Variants in SPECC1 observed in about 807,000 individuals in gnomAD.
SPECC1 encodes the protein cytospin-B.
A neutral mutation model predicts 104.1 loss-of-function variants in SPECC1; 62 were observed. That is an observed-to-expected ratio of 0.60 (90% CI 0.49 to 0.74). SPECC1 has a LOEUF of 0.74. SPECC1 is among the 30% of genes least tolerant of loss of function. The pLI is 0.00. For missense variants in SPECC1, 1,306 were observed against 1,310.5 expected, an observed-to-expected ratio of 1.00 and a Z score of 0.05; for synonymous variants, 513 against 501.6, an observed-to-expected ratio of 1.02 and a Z score of -0.30.
At chr17:20,055,520 C>T (rs942206686) in intron 1 of SPECC1, among the ~76,000 whole-genome samples, 2 of 152,144 alleles carry the variant, frequency 1.3e-5, no homozygotes, top group Non-Finnish European at 2.9e-5. Flanking sequence ...TGACAATGTG[C>T]GTTCTGTTCA....
intron 13 of SPECC1, among the ~76,000 whole-genome samples, chr17:20,304,985 A>T (rs1044727600): frequency 1.3e-5 from 2 of 152,044 alleles, no homozygotes; most frequent in Non-Finnish European, 2.9e-5. Flanking sequence ...AAACTGTAGG[A>T]AAAAAACAAA....
At chr17:20,248,757 T>C (rs2039517164) in intron 9 of SPECC1, among the ~76,000 whole-genome samples, 1 of 152,242 alleles carries the variant, frequency 6.6e-6, no homozygotes, top group South Asian at 2.1e-4. Flanking sequence ...TTGTGCTTTT[T>C]AACATTTTTT....
intron 9 of SPECC1, among the ~76,000 whole-genome samples, chr17:20,249,172 C>T (rs1472380820): frequency 6.6e-6 from 1 of 152,178 alleles, no homozygotes; most frequent in African/African-American, 2.4e-5. Context: ...GTAATCCTAG[C>T]ATTTTGGGAG....
intron 3 of SPECC1, among the ~76,000 whole-genome samples, chr17:20,146,333 T>G (rs1025145693): frequency 6.6e-6 from 1 of 152,248 alleles, no homozygotes; most frequent in African/African-American, 2.4e-5. Flanking sequence ...CAGACCGGCT[T>G]CTTTCACTTA....
At chr17:20,029,476 GA>G (rs1261272574) in intron 1 of SPECC1, among the ~76,000 whole-genome samples, 1 of 151,966 alleles carries the variant, frequency 6.6e-6, no homozygotes, top group Non-Finnish European at 1.5e-5. Context: ...CTTTTTTTTG[GA>G]GGAGTTTGTG....
intron 2 of SPECC1, among the ~76,000 whole-genome samples, chr17:20,106,151 G>A (rs2048188225): frequency 6.6e-6 from 1 of 152,116 alleles, no homozygotes; most frequent in Admixed American, 6.5e-5. Context: ...TTTCATTTGA[G>A]AAGTCATCTA....
chr17:20,163,800 A>C (rs760800392), intron 3 of SPECC1, among the ~76,000 whole-genome samples: 6 of 152,084 alleles, frequency 3.9e-5, no homozygotes, highest in African/African-American at 1.4e-4. Context: ...GGCTCAAGCT[A>C]TCCTCCCACC....
rs774243923 is a variant in SPECC1, at chr17:20,205,838, T to C, written c.1789T>C (p.Ser597Pro). The C allele has an allele frequency of 6.2e-7, 1 of 1,614,190 alleles. No homozygotes were observed. The highest frequency in any genetic ancestry group is 1.1e-5 in the South Asian group (1 of 91,078). ...ARAEKDLLEL[S>P]CNELRQELLK... ...AGCAGAGAAAGATCTACTGGAACTG[T>C]CTTGCAATGAGCTCAGACAAGAATT... Residue 597 changes from serine to proline, a missense_variant, in exon 4 of 15, where the codon TCT becomes CCT. Coordinates refer to ENST00000395527, the MANE Select transcript of SPECC1 (RefSeq NM_001243439.2).
chr17:20,080,892 C>T (rs997835103), intron 1 of SPECC1, among the ~76,000 whole-genome samples: 1 of 151,890 alleles, frequency 6.6e-6, no homozygotes, highest in African/African-American at 2.4e-5. Flanking sequence ...GGGGGGTGGT[C>T]ACTGGGGCCC....
chr17:20,070,542 AT>A (rs1379706816), intron 1 of SPECC1, among the ~76,000 whole-genome samples: 1 of 152,066 alleles, frequency 6.6e-6, no homozygotes, highest in African/African-American at 2.4e-5. Flanking sequence ...TCTTATCTAT[AT>A]ATTTTATCTA....
intron 1 of SPECC1, among the ~76,000 whole-genome samples, chr17:20,084,680 T>G (rs943991888): frequency 3.3e-5 from 5 of 152,216 alleles, no homozygotes; most frequent in East Asian, 1.9e-4. Flanking sequence ...ATTTTTGGTG[T>G]TGTAACTAAG....
rs2037004313 is a variant in SPECC1, at chr17:20,209,594, TA to T, written c.1863+3683del. Among the ~76,000 whole-genome samples the T allele has an allele frequency of 1.3e-5, 2 of 152,242 alleles. 1 individual carries two copies. Among genetic ancestry groups the T allele is most frequent in the South Asian group, 4.1e-4 (2 of 4,836 alleles). Reference sequence around the variant, plus strand: ...TTCTTCATTGGTTTGCTGATTTCTTTATTTTTTTCAACTTCTCTGATATACC... The same window carrying T: ...TTCTTCATTGGTTTGCTGATTTCTTTTTTTTTTCAACTTCTCTGATATACC... On this transcript the variant is annotated intron_variant, in intron 4 of 14. Transcript: ENST00000395527.
At chr17:20,163,873 CTT>C (rs971412537) in intron 3 of SPECC1, among the ~76,000 whole-genome samples, 17 of 152,176 alleles carry the variant, frequency 1.1e-4, no homozygotes, top group Non-Finnish European at 1.9e-4. Flanking sequence ...TGTATTCTCT[CTT>C]TATATGTGTG....
chr17:20,093,205 T>C (rs2047481849), intron 1 of SPECC1, among the ~76,000 whole-genome samples: 1 of 152,200 alleles, frequency 6.6e-6, no homozygotes, highest in African/African-American at 2.4e-5. Context: ...CCACTAGATT[T>C]GGTATCTGGC....
chr17:20,045,210 G>A (rs1282199773), intron 1 of SPECC1, among the ~76,000 whole-genome samples: 1 of 151,852 alleles, frequency 6.6e-6, no homozygotes, highest in Non-Finnish European at 1.5e-5. Flanking sequence ...CCATCCTGCT[G>A]CTGCTTGAGT....
chr17:20,066,904 T>C (rs1297797325), intron 1 of SPECC1, among the ~76,000 whole-genome samples: 1 of 144,730 alleles, frequency 6.9e-6, no homozygotes, highest in Non-Finnish European at 1.5e-5. Context: ...CACACCTGGC[T>C]AATCAAATTT....
chr17:20,121,019 C>T (rs1460225148), intron 3 of SPECC1, among the ~76,000 whole-genome samples: 1 of 152,110 alleles, frequency 6.6e-6, no homozygotes, highest in Non-Finnish European at 1.5e-5. Flanking sequence ...TTCTGGTTTC[C>T]AGGCCTTATG....
chr17:20,129,254 G>A (rs1038772572), intron 3 of SPECC1, among the ~76,000 whole-genome samples: 3 of 150,260 alleles, frequency 2.0e-5, no homozygotes, highest in African/African-American at 2.5e-5. Context: ...GCACCATCTC[G>A]GCTCACTGCA....
intron 3 of SPECC1, among the ~76,000 whole-genome samples, chr17:20,183,986 C>T (rs568310983): frequency 4.7e-5 from 7 of 150,078 alleles, no homozygotes; most frequent in African/African-American, 1.7e-4. Flanking sequence ...GCCTGGGCAA[C>T]ACGGCAAAAC....
Sources: allele counts gnomAD v4.1 joint callset (sites outside exome capture counted in the v4.1 genomes callset), GRCh38; gene constraint gnomAD v4.1.1; transcripts MANE v1.5; gene names NCBI Gene and HGNC (gene_info 2026-07-23, HGNC 2026-07-21).